The following PPM1E variants were observed in gnomAD, a reference collection of about 807,000 sequenced individuals.
PPM1E encodes the protein protein phosphatase 1E.
Under a neutral mutation model 65.9 loss-of-function variants are expected in PPM1E, and 20 were observed. The ratio of observed to expected loss-of-function variants is 0.30; its 90% CI spans 0.21 to 0.44. PPM1E has a LOEUF of 0.44. Among genes scored for constraint, PPM1E ranks in the 20% least tolerant of loss-of-function variants. The pLI is 1.00. For missense variants in PPM1E, 713 were observed against 953.1 expected, an observed-to-expected ratio of 0.75 and a Z score of 3.32; for synonymous variants, 352 against 374.9, an observed-to-expected ratio of 0.94 and a Z score of 0.70.
At chr17:58,878,338 G>T (rs991609796) in intron 1 of PPM1E, among the ~76,000 whole-genome samples, 1 of 152,018 alleles carries the variant, frequency 6.6e-6, no homozygotes, top group Non-Finnish European at 1.5e-5. Flanking sequence ...CACCTCCCGG[G>T]TTCAAGGGAT....
chr17:58,796,303 C>T (rs1036889158), intron 1 of PPM1E, among the ~76,000 whole-genome samples: 2 of 152,168 alleles, frequency 1.3e-5, no homozygotes, highest in African/African-American at 4.8e-5. Context: ...CCTTAGCCTC[C>T]CAAAGTGCTA....
At chr17:58,836,483 A>G (rs2143197219) in intron 1 of PPM1E, among the ~76,000 whole-genome samples, 1 of 149,944 alleles carries the variant, frequency 6.7e-6, no homozygotes, top group African/African-American at 2.4e-5. Context: ...TTTTTTCTTG[A>G]GACGGAGTCT....
intron 1 of PPM1E, among the ~76,000 whole-genome samples, chr17:58,799,008 T>C (rs968977034): frequency 1.3e-5 from 2 of 152,196 alleles, no homozygotes; most frequent in Non-Finnish European, 2.9e-5. Flanking sequence ...TGTTTTCTTA[T>C]AGAAGTTTTA....
intron 6 of PPM1E, among the ~76,000 whole-genome samples, chr17:58,979,754 C>T (rs2031252502): frequency 6.6e-6 from 1 of 152,132 alleles, no homozygotes; most frequent in African/African-American, 2.4e-5. Flanking sequence ...AGGACTTATG[C>T]CCAGTAACTA....
intron 1 of PPM1E, among the ~76,000 whole-genome samples, chr17:58,759,288 C>T (rs897837719): frequency 2.0e-5 from 3 of 152,102 alleles, no homozygotes; most frequent in African/African-American, 7.2e-5. Context: ...TTACTCCTTT[C>T]TCTAAGTTTA....
intron 1 of PPM1E, among the ~76,000 whole-genome samples, chr17:58,850,335 A>G (rs1236241216): frequency 6.6e-6 from 1 of 152,040 alleles, no homozygotes; most frequent in Non-Finnish European, 1.5e-5. Flanking sequence ...TTAGCTGGTT[A>G]TTTTGCTGGT....
At chr17:58,969,126 A>C (rs1455994545) in intron 3 of PPM1E, among the ~76,000 whole-genome samples, 2 of 152,184 alleles carry the variant, frequency 1.3e-5, no homozygotes, top group Non-Finnish European at 2.9e-5. Context: ...TTTTGCTATT[A>C]AAGTACTTTC....
intron 1 of PPM1E, among the ~76,000 whole-genome samples, chr17:58,832,696 T>A (rs2050617053): frequency 6.6e-6 from 1 of 152,168 alleles, no homozygotes; most frequent in South Asian, 2.1e-4. Flanking sequence ...TTCACCCAGC[T>A]TCCCCCAAAG....
At chr17:58,766,429 C>T (rs539320009) in intron 1 of PPM1E, among the ~76,000 whole-genome samples, 3 of 149,432 alleles carry the variant, frequency 2.0e-5, no homozygotes, top group African/African-American at 2.5e-5. Flanking sequence ...CTCGAACTCC[C>T]GACCTCATGT....
chr17:58,941,614 AC>A (rs1671174671), intron 1 of PPM1E, among the ~76,000 whole-genome samples: 2 of 146,148 alleles, frequency 1.4e-5, no homozygotes, highest in South Asian at 4.3e-4. Context: ...AATTGCTTGA[AC>A]CTGGGAGGCA....
At chr17:58,855,341 A>C (rs1233174779) in intron 1 of PPM1E, among the ~76,000 whole-genome samples, 1 of 152,190 alleles carries the variant, frequency 6.6e-6, no homozygotes, top group Non-Finnish European at 1.5e-5. Context: ...ATCCTTCCCC[A>C]ACTAAGGGGT....
chr17:58,925,208 T>C (rs1158190513), intron 1 of PPM1E, among the ~76,000 whole-genome samples: 1 of 152,166 alleles, frequency 6.6e-6, no homozygotes, highest in Non-Finnish European at 1.5e-5. Flanking sequence ...TGTAAAAGCA[T>C]TCCTATTTCT....
At chr17:58,769,689 G>C (rs1384982325) in intron 1 of PPM1E, among the ~76,000 whole-genome samples, 1 of 152,046 alleles carries the variant, frequency 6.6e-6, no homozygotes, top group East Asian at 1.9e-4. Context: ...CATATATTAA[G>C]TATCTGATCT....
chr17:58,848,240 CT>C (rs1413640502), intron 1 of PPM1E, among the ~76,000 whole-genome samples: 2 of 152,160 alleles, frequency 1.3e-5, no homozygotes, highest in Non-Finnish European at 2.9e-5. Context: ...TTGACTTCCT[CT>C]TTTCCTAATT....
intron 1 of PPM1E, among the ~76,000 whole-genome samples, chr17:58,863,411 G>A (rs912441907): frequency 6.6e-6 from 1 of 152,200 alleles, no homozygotes; most frequent in Non-Finnish European, 1.5e-5. Flanking sequence ...GTGGGAGCAG[G>A]TCCTGTGCAG....
intron 1 of PPM1E, among the ~76,000 whole-genome samples, chr17:58,850,481 A>C (rs990594364): frequency 6.6e-6 from 1 of 152,146 alleles, no homozygotes; most frequent in Non-Finnish European, 1.5e-5. Flanking sequence ...GGTGGTGACA[A>C]AATCTCTCAG....
chr17:58,819,037 A>G (rs7223708), intron 1 of PPM1E, among the ~76,000 whole-genome samples: 28,109 of 152,204 alleles, frequency 0.18, 2,767 homozygotes, highest in Non-Finnish European at 0.21. Flanking sequence ...TGATAAATAC[A>G]TATATTGTTT....
intron 1 of PPM1E, among the ~76,000 whole-genome samples, chr17:58,912,923 A>AG (rs1298922876): frequency 6.6e-6 from 1 of 152,204 alleles, no homozygotes; most frequent in Non-Finnish European, 1.5e-5. Context: ...TCTTGTGCTG[A>AG]GGAGGGTAGC....
chr17:58,972,336 A>T, intron 5 of PPM1E, 61 bp downstream of exon 5: 1 of 1,497,774 alleles, frequency 6.7e-7, no homozygotes. Flanking sequence ...TTTTCTAGTT[A>T]TTGATTAGGA....
Sources: allele counts gnomAD v4.1 joint callset (sites outside exome capture counted in the v4.1 genomes callset), GRCh38; gene constraint gnomAD v4.1.1; transcripts MANE v1.5; gene names NCBI Gene and HGNC (gene_info 2026-07-23, HGNC 2026-07-21).